The following KCTD8 variants were observed in gnomAD, a reference collection of about 807,000 sequenced individuals.
KCTD8 encodes BTB/POZ domain-containing protein KCTD8.
Under a neutral mutation model 31.5 loss-of-function variants are expected in KCTD8, and 27 were observed. The observed-to-expected ratio is 0.86, with a 90% confidence interval of 0.63 to 1.18. The LOEUF (loss-of-function observed/expected upper bound fraction) is 1.18, where lower values mean the gene tolerates loss of function less well. Among genes scored for constraint, KCTD8 ranks in the 50% most tolerant of loss-of-function variants. KCTD8 has a pLI of 0.00. For missense variants in KCTD8, 658 were observed against 647.7 expected (o/e 1.02, Z -0.17); for synonymous variants, 290 against 280.0 (o/e 1.04, Z -0.36).
chr4:44,266,023 G>C (rs9762823), intron 1 of KCTD8, among the ~76,000 whole-genome samples: 18,170 of 151,730 alleles, frequency 0.12, 1,319 homozygotes, highest in East Asian at 0.24. Flanking sequence ...CCAACATTCA[G>C]ATTCAGGAAA....
intron 1 of KCTD8, among the ~76,000 whole-genome samples, chr4:44,360,611 C>T (rs17461002): frequency 0.072 from 10,876 of 151,744 alleles, 460 homozygotes; most frequent in South Asian, 0.1. Context: ...CCAGGAGCAT[C>T]GAGAAAACAG....
Position 44,174,866 on chromosome 4 carries a change from T to C in KCTD8, c.1346A>G (p.Lys449Arg), listed in dbSNP as rs771085798. 1.5e-5 allele frequency: 25 copies of C among 1,614,012 alleles called. No individual in the cohort carries two copies. Among genetic ancestry groups the C allele is most frequent in the Non-Finnish European group, 1.9e-5 (23 of 1,179,952 alleles). ...TGGAAAATAATCTGGAATGTGGATT[T>C]TTTTAAAATCCTGAATACACTTTTT... ...EMKKCIQDFK[K>R]IHIPDYFPER... Residue 449 changes from lysine (K) to arginine (R), a missense_variant, in exon 2 of 2, where the codon AAA becomes AGA. Transcript: ENST00000360029.
At chr4:44,267,364 A>G (rs552000831) in intron 1 of KCTD8, among the ~76,000 whole-genome samples, 70 of 152,268 alleles carry the variant, frequency 4.6e-4, no homozygotes, top group African/African-American at 1.7e-3. Flanking sequence ...AAGACACAAC[A>G]TACCAGAATC....
chr4:44,294,533 C>G (rs1242886307), intron 1 of KCTD8, among the ~76,000 whole-genome samples: 1 of 152,162 alleles, frequency 6.6e-6, no homozygotes, highest in Admixed American at 6.5e-5. Flanking sequence ...GTTTGACTTA[C>G]AAAAGCATTG....
At chr4:44,263,408 G>T (rs1421287982) in intron 1 of KCTD8, among the ~76,000 whole-genome samples, 16 of 152,116 alleles carry the variant, frequency 1.1e-4, no homozygotes. Flanking sequence ...TGGGAGAAAA[G>T]ACTGATGTTT....
At chr4:44,324,274 T>C (rs753535932) in intron 1 of KCTD8, among the ~76,000 whole-genome samples, 24 of 152,012 alleles carry the variant, frequency 1.6e-4, no homozygotes, top group Non-Finnish European at 1.3e-4. Flanking sequence ...CTAGACCATA[T>C]TTGTATTGAC....
At chr4:44,323,507 C>CA (rs1553901403) in intron 1 of KCTD8, among the ~76,000 whole-genome samples, 3 of 135,564 alleles carry the variant, frequency 2.2e-5, no homozygotes, top group African/African-American at 5.5e-5. Context: ...CCCACCCCCC[C>CA]CCAAAAAAAA....
intron 1 of KCTD8, among the ~76,000 whole-genome samples, chr4:44,365,213 G>T (rs1018790337): frequency 6.6e-6 from 1 of 152,024 alleles, no homozygotes; most frequent in Admixed American, 6.6e-5. Context: ...CAATGTTTCT[G>T]TAAACCTATA....
chr4:44,448,570 C>A lies in KCTD8; in HGVS notation c.-47G>T, dbSNP rs760316372. The A allele has an allele frequency of 3.6e-6, 5 of 1,395,300 alleles. No individual in the cohort carries two copies. Among genetic ancestry groups the A allele is most frequent in the Admixed American group, 2.9e-5 (1 of 34,376 alleles). 86.4% of individuals were successfully genotyped at this position (1,395,300 alleles called of 1,614,324 possible). A position where few individuals can be genotyped will look rare whatever the true frequency, so the allele number is the denominator to read the frequency against. On this transcript the variant is annotated 5_prime_UTR_variant, in exon 1 of 2. Coordinates refer to ENST00000360029, the MANE Select transcript of KCTD8 (RefSeq NM_198353.3). The surrounding 1 kb of genome is among the most constrained non-coding windows in gnomAD (Gnocchi z 4.1). Reference sequence around the variant, plus strand: ...GTGACCCGAGAGAGCTGCACTTTCTCGTTCCCGGAGCCCGCGCCCCAGCCC... The same window carrying A: ...GTGACCCGAGAGAGCTGCACTTTCTAGTTCCCGGAGCCCGCGCCCCAGCCC...
rs559906448 is a variant in KCTD8 at position 44,174,876 on chromosome 4, C to A, written c.1336G>T (p.Asp446Tyr). Residue 446 changes from aspartate (D) to tyrosine (Y), a missense_variant, in exon 2 of 2, where the codon GAT becomes TAT. Physicochemically the swap from Asp to Tyr is radical, Grantham distance 160. Coordinates refer to ENST00000360029, the MANE Select transcript of KCTD8 (RefSeq NM_198353.3). ...VEEEMKKCIQ[D>Y]FKKIHIPDYF... Reference sequence around the variant, plus strand: ...TCTGGAATGTGGATTTTTTTAAAATCCTGAATACACTTTTTCATTTCTTCT... The same window carrying A: ...TCTGGAATGTGGATTTTTTTAAAATACTGAATACACTTTTTCATTTCTTCT... The A allele has an allele frequency of 6.2e-7, 1 of 1,613,966 alleles. No individual in the cohort carries two copies. Among genetic ancestry groups the A allele is most frequent in the African/African-American group, 1.3e-5 (1 of 74,974 alleles).
At chr4:44,275,698 G>C (rs1414395149) in intron 1 of KCTD8, among the ~76,000 whole-genome samples, 1 of 151,946 alleles carries the variant, frequency 6.6e-6, no homozygotes, top group African/African-American at 2.4e-5. Context: ...TTTATTTCTT[G>C]TACATCGTGG....
At position 44,437,207 on chromosome 4, in the gene KCTD8, C is replaced by A. The variant is rs562451792; in HGVS notation, c.961+10356G>T. ...AGAGGCAAGGAGAGTATACACTGCC[C>A]AATGTGCCTCAAGAAGTGGCCAAGG... On this transcript the variant is annotated intron_variant, in intron 1 of 1. Transcript: ENST00000360029. Among the ~76,000 whole-genome samples the A allele has an allele frequency of 5.5e-4, 84 of 152,156 alleles. 1 individual carries two copies. The highest frequency in any genetic ancestry group is 2.0e-3 in the African/African-American group (83 of 41,536).
At chr4:44,341,337 G>A (rs1043163250) in intron 1 of KCTD8, among the ~76,000 whole-genome samples, 1 of 152,124 alleles carries the variant, frequency 6.6e-6, no homozygotes, top group African/African-American at 2.4e-5. Context: ...TGAGGTGGCT[G>A]GAGCAATTTC....
intron 1 of KCTD8, among the ~76,000 whole-genome samples, chr4:44,237,617 C>A (rs1246709883): frequency 6.6e-6 from 1 of 152,162 alleles, no homozygotes; most frequent in Non-Finnish European, 1.5e-5. Context: ...AACTGGTTTG[C>A]AACTTGAGAG....
At chr4:44,302,631 G>A (rs901590877) in intron 1 of KCTD8, among the ~76,000 whole-genome samples, 1 of 151,754 alleles carries the variant, frequency 6.6e-6, no homozygotes, top group Non-Finnish European at 1.5e-5. Context: ...GAGACAATGG[G>A]GTTTTCTAGA....
At chr4:44,369,384 A>C (rs1719725533) in intron 1 of KCTD8, among the ~76,000 whole-genome samples, 1 of 152,214 alleles carries the variant, frequency 6.6e-6, no homozygotes, top group African/African-American at 2.4e-5. Context: ...TGTTCAAAAG[A>C]AAAGACCCAT....
At chr4:44,192,852 G>A (rs1713806537) in intron 1 of KCTD8, among the ~76,000 whole-genome samples, 1 of 152,146 alleles carries the variant, frequency 6.6e-6, no homozygotes, top group African/African-American at 2.4e-5. Flanking sequence ...GGAGAGATTA[G>A]ACTGGCTTAG....
intron 1 of KCTD8, among the ~76,000 whole-genome samples, chr4:44,203,691 A>G (rs1178901169): frequency 2.0e-5 from 3 of 151,780 alleles, no homozygotes; most frequent in Middle Eastern, 3.2e-3. Flanking sequence ...TCTGTTGAGA[A>G]AATGAAAGAT....
Position 44,297,261 on chromosome 4 carries a change from G to A in KCTD8, c.962-122011C>T, listed in dbSNP as rs571541925. Among the ~76,000 whole-genome samples, 3 of 152,104 alleles carry A rather than the reference G, an allele frequency of 2.0e-5. No homozygotes were observed. In the East Asian group the frequency reaches 5.8e-4, roughly 29 times the overall value. On this transcript the variant is annotated intron_variant, in intron 1 of 1. Coordinates refer to ENST00000360029, the MANE Select transcript of KCTD8 (RefSeq NM_198353.3). ...AATCAAAACAGATTAGAATAGCATTGCCAACAAACATGTAAAAATAAAACA... is the reference window on the plus strand; with the variant it reads ...AATCAAAACAGATTAGAATAGCATTACCAACAAACATGTAAAAATAAAACA...
Sources: allele counts gnomAD v4.1 joint callset (sites outside exome capture counted in the v4.1 genomes callset), GRCh38; gene constraint gnomAD v4.1.1; non-coding constraint Gnocchi (gnomAD v3.1); transcripts MANE v1.5; gene names NCBI Gene and HGNC (gene_info 2026-07-23, HGNC 2026-07-21).